The following AGAP1 variants were observed in gnomAD, a reference collection of about 807,000 sequenced individuals.
AGAP1 encodes the protein ArfGAP with GTPase domain, ankyrin repeat and PH domain 1.
A neutral mutation model predicts 105.3 loss-of-function variants in AGAP1; 29 were observed. That is an observed-to-expected ratio of 0.28 (90% CI 0.21 to 0.38). The LOEUF (loss-of-function observed/expected upper bound fraction) is 0.38. Among genes scored for constraint, AGAP1 ranks in the 10% least tolerant of loss-of-function variants. The pLI, the probability that AGAP1 is intolerant of heterozygous loss-of-function variation, is 1.00. For missense variants in AGAP1, 998 were observed against 1,165.1 expected, an observed-to-expected ratio of 0.86 and a Z score of 2.09; for synonymous variants, 509 against 485.9, an observed-to-expected ratio of 1.05 and a Z score of -0.63.
chr2:235,706,812 A>G (rs1950559204), intron 1 of AGAP1, among the ~76,000 whole-genome samples: 1 of 152,174 alleles, frequency 6.6e-6, no homozygotes, highest in African/African-American at 2.4e-5. Context: ...ATCATCATTG[A>G]CCTTTCAGTT....
At chr2:236,032,004 A>G (rs1420304236) in intron 13 of AGAP1, among the ~76,000 whole-genome samples, 1 of 152,058 alleles carries the variant, frequency 6.6e-6, no homozygotes, top group Non-Finnish European at 1.5e-5. Flanking sequence ...TGGGAAGCAA[A>G]ATCTTCTCCC....
intron 1 of AGAP1, among the ~76,000 whole-genome samples, chr2:235,536,279 CAGGACCCCGGGGTTTGTGTGTGGCATCCT>C: frequency 2.2e-4 from 2 of 8,898 alleles, no homozygotes; most frequent in African/African-American, 6.9e-4. Context: ...ACACACACAG[CAGGACCCCGGGGTTTGTGTGTGGCATCCT>C]ACACACACAC....
At position 235,601,630 on chromosome 2, in the gene AGAP1, C is replaced by T. The variant is rs527563465; in HGVS notation, c.163+106781C>T. 1.3e-5 allele frequency among the ~76,000 whole-genome samples: 2 copies of T among 152,286 alleles called. No individual in the cohort carries two copies. Among genetic ancestry groups the T allele is most frequent in the East Asian group, 3.9e-4 (2 of 5,176 alleles). On this transcript the variant is annotated intron_variant, in intron 1 of 17. Transcript: ENST00000304032. This position sits in a 1 kb window ranked among gnomAD's most constrained non-coding sequence, Gnocchi z 4.4. ...GAACCCACCCCCAAGATTCAGTAAC[C>T]TCCCACTGGGTCCCTGGGAGCCACA...
rs182023400 is a variant in AGAP1, at chr2:236,076,544, G to A, written c.2114+27263G>A. On this transcript the variant is annotated intron_variant, in intron 16 of 17. Transcript: ENST00000304032. This position sits in a 1 kb window ranked among gnomAD's most constrained non-coding sequence, Gnocchi z 4.4. ...TTCTCAGTGTGTGACCCAGGACACC[G>A]TGGAATCTGGGAAAGCCATGATTTC... Among the ~76,000 whole-genome samples, 92 of 152,278 alleles carry A rather than the reference G, an allele frequency of 6.0e-4. No individual in the cohort carries two copies. Among genetic ancestry groups the A allele is most frequent in the African/African-American group, 1.8e-3 (73 of 41,568 alleles).
intron 1 of AGAP1, among the ~76,000 whole-genome samples, chr2:235,708,035 G>T (rs1411146129): frequency 6.6e-6 from 1 of 152,230 alleles, no homozygotes; most frequent in Non-Finnish European, 1.5e-5. Flanking sequence ...TTGCCCTCCT[G>T]TGTCACACCC....
intron 9 of AGAP1, among the ~76,000 whole-genome samples, chr2:235,813,242 A>G (rs527925571): frequency 3.4e-4 from 52 of 152,336 alleles, no homozygotes; most frequent in African/African-American, 1.3e-3. Flanking sequence ...CAGAATGTTT[A>G]TTTGGAATTA....
chr2:235,817,512 A>C, intron 9 of AGAP1, among the ~76,000 whole-genome samples: 1 of 152,068 alleles, frequency 6.6e-6, no homozygotes, highest in East Asian at 1.9e-4. Flanking sequence ...TTTTGAAACC[A>C]AAACACTCTT....
chr2:235,685,601 G>A (rs1174713873), intron 1 of AGAP1, among the ~76,000 whole-genome samples: 2 of 151,918 alleles, frequency 1.3e-5, no homozygotes, highest in Non-Finnish European at 2.9e-5. Flanking sequence ...TGTCTGGACA[G>A]CCGAAGGCCC....
Position 235,964,939 on chromosome 2 carries a change from G to A in AGAP1, c.1484-3523G>A, listed in dbSNP as rs182775462. Among the ~76,000 whole-genome samples the A allele has an allele frequency of 1.8e-4, 28 of 152,286 alleles. No homozygotes were observed. Among genetic ancestry groups the A allele is most frequent in the Non-Finnish European group, 2.4e-4 (16 of 68,034 alleles). ...GGCTTTGTGAAAACAGGCTGAGCTCGAGGTCCCAGGCTGCTCAAGGCAAGG... is the reference window on the plus strand; with the variant it reads ...GGCTTTGTGAAAACAGGCTGAGCTCAAGGTCCCAGGCTGCTCAAGGCAAGG... On this transcript the variant is annotated intron_variant, in intron 12 of 17. Transcript: ENST00000304032. This position sits in a 1 kb window ranked among gnomAD's most constrained non-coding sequence, Gnocchi z 4.6.
At position 235,701,099 on chromosome 2, in the gene AGAP1, T is replaced by G. The variant is rs1339076458; in HGVS notation, c.164-8080T>G. Among the ~76,000 whole-genome samples the G allele has an allele frequency of 6.8e-6, 1 of 146,612 alleles. No individual in the cohort carries two copies. The highest frequency in any genetic ancestry group is 2.5e-5 in the African/African-American group (1 of 40,006). On this transcript the variant is annotated intron_variant, in intron 1 of 17. Transcript: ENST00000304032. The surrounding 1 kb of genome is among the most constrained non-coding windows in gnomAD (Gnocchi z 4.1). ...TTATATGTATATATTATATACTCTA[T>G]AATATAGTTATATGTACATATTATA...
At chr2:236,008,810 A>G (rs1576043474) in intron 13 of AGAP1, among the ~76,000 whole-genome samples, 1 of 152,374 alleles carries the variant, frequency 6.6e-6, no homozygotes, top group South Asian at 2.1e-4. Flanking sequence ...GTAAAGAAAG[A>G]ACCATTGTGA....
At chr2:235,766,784 C>A (rs1954989024) in intron 6 of AGAP1, among the ~76,000 whole-genome samples, 1 of 152,142 alleles carries the variant, frequency 6.6e-6, no homozygotes, top group African/African-American at 2.4e-5. Context: ...CTCTGTCGCC[C>A]AGGCTAGAGT....
At chr2:235,844,632 C>T (rs1017273947) in intron 9 of AGAP1, among the ~76,000 whole-genome samples, 1 of 152,144 alleles carries the variant, frequency 6.6e-6, no homozygotes, top group Non-Finnish European at 1.5e-5. Context: ...AAGGCTCCCC[C>T]TGACCGATGT....
At chr2:236,019,864 C>A (rs908811800) in intron 13 of AGAP1, among the ~76,000 whole-genome samples, 1 of 152,222 alleles carries the variant, frequency 6.6e-6, no homozygotes, top group African/African-American at 2.4e-5. Context: ...CTGATCAAGG[C>A]CCCCGCCAAA....
At position 235,824,523 on chromosome 2, in the gene AGAP1, CATT is replaced by C. The variant is rs1958964427; in HGVS notation, c.1050+17193_1050+17195del. Among the ~76,000 whole-genome samples, 1 of 152,212 alleles carries C rather than the reference CATT, an allele frequency of 6.6e-6. No homozygotes were observed. The highest frequency in any genetic ancestry group is 6.5e-5 in the Admixed American group (1 of 15,284). On this transcript the variant is annotated intron_variant, in intron 9 of 17. Transcript: ENST00000304032. This position sits in a 1 kb window ranked among gnomAD's most constrained non-coding sequence, Gnocchi z 5.2. ...CAGCGTCAGTGTGTGTTAGGACCAT[CATT>C]GAGATGCTTATTGCAGGAGAAATTA... is the stretch of plus-strand genomic sequence containing the variant.
intron 11 of AGAP1, among the ~76,000 whole-genome samples, chr2:235,923,022 C>T (rs1316793252): frequency 6.6e-6 from 1 of 152,156 alleles, no homozygotes; most frequent in Non-Finnish European, 1.5e-5. Flanking sequence ...AGTGGCGCAG[C>T]GAGGACATGG....
rs991960227 is a variant in AGAP1, at chr2:236,082,197, A to G, written c.2114+32916A>G. On this transcript the variant is annotated intron_variant, in intron 16 of 17. Coordinates refer to ENST00000304032, the MANE Select transcript of AGAP1 (RefSeq NM_001037131.3). This position sits in a 1 kb window ranked among gnomAD's most constrained non-coding sequence, Gnocchi z 4.2. Reference sequence around the variant, plus strand: ...AACCTATCATTTTTCACCACGGGATATTTACAGCTTCAATCAGTGCCAAAT... The same window carrying G: ...AACCTATCATTTTTCACCACGGGATGTTTACAGCTTCAATCAGTGCCAAAT... Among the ~76,000 whole-genome samples the G allele has an allele frequency of 6.6e-6, 1 of 152,182 alleles. No individual in the cohort carries two copies. Among genetic ancestry groups the G allele is most frequent in the Non-Finnish European group, 1.5e-5 (1 of 68,044 alleles).
chr2:235,984,321 T>C (rs148323166), intron 13 of AGAP1, among the ~76,000 whole-genome samples: 242 of 152,332 alleles, frequency 1.6e-3, no homozygotes, highest in African/African-American at 5.7e-3. Flanking sequence ...TTTCCGCCTT[T>C]TGGCTGTTAT....
At chr2:236,011,795 A>C (rs1474789399) in intron 13 of AGAP1, among the ~76,000 whole-genome samples, 1 of 152,096 alleles carries the variant, frequency 6.6e-6, no homozygotes, top group Non-Finnish European at 1.5e-5. Context: ...GAAGTCCCCG[A>C]GAATCGCCTT....
Sources: gnomAD v4.1 joint callset for allele counts (sites outside exome capture counted in the v4.1 genomes callset) on GRCh38, gnomAD v4.1.1 for gene constraint, Gnocchi (gnomAD v3.1) non-coding constraint, MANE v1.5 for transcripts, NCBI Gene and HGNC (gene_info 2026-07-23, HGNC 2026-07-21) for gene names.